Variants in CACUL1 observed in about 807,000 individuals in gnomAD.
CACUL1 encodes CDK2 associated cullin domain 1.
Under a neutral mutation model 45.2 loss-of-function variants are expected in CACUL1, and 13 were observed. The observed-to-expected ratio is 0.29, with a 90% confidence interval of 0.19 to 0.46. CACUL1 has a LOEUF of 0.46. CACUL1 is among the 20% of genes least tolerant of loss of function. CACUL1 has a pLI of 1.00. For missense variants in CACUL1, 421 were observed against 471.4 expected (o/e 0.89, Z 0.99); for synonymous variants, 197 against 174.2 (o/e 1.13, Z -1.03).
chr10:118,733,559 G>A (rs1159275391), intron 1 of CACUL1, among the ~76,000 whole-genome samples: 1 of 151,952 alleles, frequency 6.6e-6, no homozygotes, highest in Non-Finnish European at 1.5e-5. Flanking sequence ...CGCAATCCTT[G>A]GTTTAAAAAA....
chr10:118,687,257 A>G (rs1022129501), intron 7 of CACUL1, among the ~76,000 whole-genome samples: 4 of 152,102 alleles, frequency 2.6e-5, no homozygotes, highest in African/African-American at 7.2e-5. Flanking sequence ...TCCCATATCT[A>G]CATCTCCAAC....
At chr10:118,687,762 C>T (rs1242082045) in intron 7 of CACUL1, among the ~76,000 whole-genome samples, 1 of 152,222 alleles carries the variant, frequency 6.6e-6, no homozygotes, top group East Asian at 1.9e-4. Flanking sequence ...GGCTCACTGG[C>T]TGTCCCTTGC....
At chr10:118,711,090 T>C (rs1845480524) in intron 3 of CACUL1, among the ~76,000 whole-genome samples, 1 of 152,252 alleles carries the variant, frequency 6.6e-6, no homozygotes, top group Non-Finnish European at 1.5e-5. Flanking sequence ...AACAACATTT[T>C]TGTTTTTGAG....
intron 7 of CACUL1, 152 bp from the exon 8 acceptor site, chr10:118,686,793 A>G (rs547541053): frequency 4.7e-5 from 30 of 636,734 alleles, no homozygotes; most frequent in Non-Finnish European, 5.7e-6. Context: ...ATCCTGATGT[A>G]CCTCACTATG....
At chr10:118,718,014 G>A (rs775606485) in intron 3 of CACUL1, among the ~76,000 whole-genome samples, 12 of 152,174 alleles carry the variant, frequency 7.9e-5, no homozygotes, top group Non-Finnish European at 1.6e-4. Context: ...CTGTGCCCTA[G>A]AACCTACCCA....
chr10:118,707,378 T>C (rs1454598996), intron 4 of CACUL1, 114 bp downstream of exon 4: 1 of 512,798 alleles, frequency 2.0e-6, no homozygotes, highest in Non-Finnish European at 3.4e-6. Context: ...TTAATTTCCA[T>C]TTCTAACACA....
intron 5 of CACUL1, among the ~76,000 whole-genome samples, chr10:118,697,952 T>C (rs907612739): frequency 1.3e-5 from 2 of 152,178 alleles, no homozygotes; most frequent in African/African-American, 4.8e-5. Flanking sequence ...TGCATAAAAA[T>C]GATTATACCA....
chr10:118,736,313 C>A (rs903763433), intron 1 of CACUL1, among the ~76,000 whole-genome samples: 4 of 151,716 alleles, frequency 2.6e-5, no homozygotes, highest in Admixed American at 1.3e-4. Context: ...ACAGAGAAGC[C>A]GAAAAGTTTT....
intron 1 of CACUL1, among the ~76,000 whole-genome samples, chr10:118,746,365 A>G (rs982024193): frequency 6.6e-6 from 1 of 152,224 alleles, no homozygotes; most frequent in African/African-American, 2.4e-5. Flanking sequence ...AGAAAAGGAT[A>G]GTCTTTTCAA....
intron 3 of CACUL1, among the ~76,000 whole-genome samples, chr10:118,708,787 G>A (rs2119594269): frequency 6.6e-6 from 1 of 152,268 alleles, no homozygotes; most frequent in South Asian, 2.1e-4. Flanking sequence ...TGAGAAGGCA[G>A]CCATTTACAA....
chr10:118,686,666 C>T (rs777686900), intron 7 of CACUL1, 25 bp from the exon 8 acceptor site: 1 of 1,582,324 alleles, frequency 6.3e-7, no homozygotes, highest in South Asian at 1.1e-5. Flanking sequence ...AGGCAGTCAA[C>T]AAAACTGACT....
At chr10:118,728,531 T>C (rs2182307) in intron 3 of CACUL1, among the ~76,000 whole-genome samples, 115,258 of 151,912 alleles carry the variant, frequency 0.76, 43,908 homozygotes, top group Non-Finnish European at 0.8. Flanking sequence ...CTTCGTGATC[T>C]ACCTGTCTCG....
At chr10:118,712,042 G>C (rs561111673) in intron 3 of CACUL1, among the ~76,000 whole-genome samples, 1 of 152,316 alleles carries the variant, frequency 6.6e-6, no homozygotes, top group South Asian at 2.1e-4. Flanking sequence ...GGACATTCAA[G>C]TTTTTACCCC....
intron 1 of CACUL1, 83 bp downstream of exon 1, chr10:118,754,313 C>T: frequency 7.0e-7 from 1 of 1,426,002 alleles, no homozygotes; most frequent in Non-Finnish European, 9.2e-7. Flanking sequence ...ACAAAGGAAG[C>T]GGAGCTTTCT....
intron 1 of CACUL1, among the ~76,000 whole-genome samples, chr10:118,743,680 G>C (rs909391878): frequency 2.6e-5 from 4 of 151,992 alleles, no homozygotes; most frequent in Non-Finnish European, 5.9e-5. Flanking sequence ...AGTGAGCTGA[G>C]ATCGCGCCAC....
chr10:118,740,100 T>A (rs1184639612), intron 1 of CACUL1, among the ~76,000 whole-genome samples: 1 of 152,108 alleles, frequency 6.6e-6, no homozygotes, highest in Non-Finnish European at 1.5e-5. Context: ...TGATCTGAGA[T>A]CACACCACTG....
rs914736725 is a variant in CACUL1, at chr10:118,678,616, TAA to T, written c.*7510_*7511del. 1.2e-4 allele frequency: 18 copies of T among 144,026 alleles called. No individual in the cohort carries two copies. The highest frequency in any genetic ancestry group is 4.9e-4 in the African/African-American group (18 of 36,730). 8.9% of individuals were successfully genotyped at this position (144,026 alleles called of 1,614,324 possible). A position where few individuals can be genotyped will look rare whatever the true frequency, so the allele number is the denominator to read the frequency against. The stretch of plus-strand genomic sequence containing the variant: ...ATTCTCTACACTTATTTAGGTCCAT[TAA>T]GTTTTTTTTTTATCATTTTCTCATT... On this transcript the variant is annotated 3_prime_UTR_variant, in exon 9 of 9. Transcript: ENST00000369151.
chr10:118,729,301 C>A lies in CACUL1; in HGVS notation c.591G>T (p.Glu197Asp). The A allele has an allele frequency of 1.2e-6, 2 of 1,610,612 alleles. No homozygotes were observed. Among genetic ancestry groups the A allele is most frequent in the Non-Finnish European group, 1.7e-6 (2 of 1,177,372 alleles). Residue 197 changes from glutamate to aspartate, a missense_variant, in exon 3 of 9, where the codon GAG (glutamate) becomes GAT (aspartate). By Grantham distance (45) the Glu-to-Asp change is conservative (BLOSUM62 2). This residue lies in a region of CACUL1 where 208 missense variants were observed against 298.4 expected (regional missense o/e 0.70). Transcript: ENST00000369151. ...AATACAATCAGTTCTTTACCTGCAG[C>A]TCCTTTGAGACTCTCTCTAAGTGAT... ...ITNHLERVSKELQASPPDLYI... is the reference protein window; with the variant it reads ...ITNHLERVSKDLQASPPDLYI...
At chr10:118,725,190 G>A (rs1845640572) in intron 3 of CACUL1, among the ~76,000 whole-genome samples, 1 of 152,094 alleles carries the variant, frequency 6.6e-6, no homozygotes, top group South Asian at 2.1e-4. Context: ...AAGAACAGCC[G>A]GGAGTGGTGT....
Sources: allele counts gnomAD v4.1 joint callset (sites outside exome capture counted in the v4.1 genomes callset), GRCh38; gene constraint gnomAD v4.1.1; regional missense constraint gnomAD v4.1.1; transcripts MANE v1.5; gene names NCBI Gene and HGNC (gene_info 2026-07-23, HGNC 2026-07-21).